Variants in HELZ observed in about 807,000 individuals in gnomAD.
HELZ encodes the protein helicase with zinc finger.
A neutral mutation model predicts 218.2 loss-of-function variants in HELZ; 23 were observed. That is an observed-to-expected ratio of 0.11 (90% confidence interval 0.08 to 0.15). HELZ has a LOEUF of 0.15. HELZ is among the 10% of genes least tolerant of loss of function. The probability of loss-of-function intolerance (pLI) is 1.00; values close to 1 mark genes in which losing one functional copy is unlikely to be tolerated. For missense variants in HELZ, 1,813 were observed against 2,353.7 expected, an observed-to-expected ratio of 0.77 and a Z score of 4.75; for synonymous variants, 814 against 829.4, an observed-to-expected ratio of 0.98 and a Z score of 0.32.
chr17:67,202,841 G>A (rs1020360839), intron 6 of HELZ, among the ~76,000 whole-genome samples: 8 of 151,936 alleles, frequency 5.3e-5, no homozygotes, highest in African/African-American at 1.2e-4. Flanking sequence ...TTTTGGTCTC[G>A]AAAAAAGAGC....
At chr17:67,092,180 C>A (rs1567792583) in intron 31 of HELZ, among the ~76,000 whole-genome samples, 1 of 152,104 alleles carries the variant, frequency 6.6e-6, no homozygotes, top group African/African-American at 2.4e-5. Context: ...ATGGTGGCAA[C>A]TGGCCCAAGA....
intron 21 of HELZ, among the ~76,000 whole-genome samples, chr17:67,143,144 A>G (rs912771555): frequency 2.6e-5 from 4 of 152,142 alleles, no homozygotes; most frequent in Admixed American, 1.3e-4. Flanking sequence ...TTAATTGCAG[A>G]TTCTCAAAAC....
intron 1 of HELZ, chr17:67,244,728 G>C (rs2041426888): frequency 1.0e-6 from 1 of 984,756 alleles, no homozygotes; most frequent in African/African-American, 1.7e-5. Context: ...GGGGGGCATC[G>C]AGCGGGGCGT....
chr17:67,135,766 T>C (rs1249815789), intron 23 of HELZ, among the ~76,000 whole-genome samples: 1 of 152,176 alleles, frequency 6.6e-6, no homozygotes, highest in Non-Finnish European at 1.5e-5. Context: ...TCAGGAAATA[T>C]CTCTTGAATA....
chr17:67,203,467 T>C, intron 5 of HELZ, 24 bp from the exon 6 acceptor site: 3 of 1,611,970 alleles, frequency 1.9e-6, no homozygotes, highest in Non-Finnish European at 2.5e-6. Flanking sequence ...ACAGCCATCA[T>C]TAACCATATG....
At chr17:67,103,987 A>G (rs776877640) in intron 31 of HELZ, among the ~76,000 whole-genome samples, 2 of 152,224 alleles carry the variant, frequency 1.3e-5, no homozygotes, top group Non-Finnish European at 2.9e-5. Flanking sequence ...AGACTATTCA[A>G]TGGGGGAAAG....
At chr17:67,087,226 T>A in intron 31 of HELZ, 145 bp from the exon 32 acceptor site, 1 of 745,048 alleles carries the variant, frequency 1.3e-6, no homozygotes, top group Non-Finnish European at 2.2e-6. Context: ...TCCACCCTAC[T>A]CCCACCAAAA....
At position 67,218,705 on chromosome 17, in the gene HELZ, G is replaced by T. The variant is rs576129039; in HGVS notation, c.100C>A (p.Leu34Ile). ...MALKHCTEAL[L>I]SLGQYSMADF... Reference sequence around the variant, plus strand: ...GCCATGGAGTACTGGCCAAGAGAAAGAAGGGCCTCTGTGCAGTGCTTGAGG... The same window carrying T: ...GCCATGGAGTACTGGCCAAGAGAAATAAGGGCCTCTGTGCAGTGCTTGAGG... The change falls in exon 4 of 33, where the codon CTT (leucine) becomes ATT (isoleucine). Residue 34 changes from leucine to isoleucine, a missense_variant. Leu to Ile is a conservative substitution (Grantham distance 5, BLOSUM62 2). Around this residue, in one of 4 missense-constraint regions of HELZ, gnomAD observed 714 missense variants for 1,029.2 expected, o/e 0.69. Coordinates refer to ENST00000358691, the MANE Select transcript of HELZ (RefSeq NM_014877.4). 3.1e-6 allele frequency: 5 copies of T among 1,614,190 alleles called. No homozygotes were observed. The South Asian group carries it at 5.5e-5, about 18-fold the overall frequency.
At chr17:67,230,057 TC>T (rs1481093645) in intron 3 of HELZ, among the ~76,000 whole-genome samples, 1 of 152,208 alleles carries the variant, frequency 6.6e-6, no homozygotes, top group Non-Finnish European at 1.5e-5. Context: ...CCTTCTGCCA[TC>T]TGTTTTAATG....
At chr17:67,182,313 C>T (rs1355331238) in intron 12 of HELZ, among the ~76,000 whole-genome samples, 2 of 152,022 alleles carry the variant, frequency 1.3e-5, no homozygotes, top group South Asian at 2.1e-4. Flanking sequence ...GGTATGATAG[C>T]TCGTGCCTGT....
intron 3 of HELZ, among the ~76,000 whole-genome samples, chr17:67,233,105 G>A (rs2041080952): frequency 6.6e-6 from 1 of 152,232 alleles, no homozygotes; most frequent in African/African-American, 2.4e-5. Flanking sequence ...TTGCACTCCA[G>A]CTTAGGCGAA....
intron 15 of HELZ, among the ~76,000 whole-genome samples, chr17:67,166,033 G>A (rs1260641914): frequency 6.6e-6 from 1 of 152,096 alleles, no homozygotes; most frequent in African/African-American, 2.4e-5. Context: ...CTACTCAGAG[G>A]CTGAGGCAGG....
chr17:67,115,949 T>C (rs1055901878), intron 27 of HELZ, among the ~76,000 whole-genome samples: 7 of 152,164 alleles, frequency 4.6e-5, no homozygotes, highest in African/African-American at 1.4e-4. Context: ...TTTACTTGGC[T>C]GTTTAAACAA....
At chr17:67,091,194 A>C (rs1490034712) in intron 31 of HELZ, among the ~76,000 whole-genome samples, 1 of 152,096 alleles carries the variant, frequency 6.6e-6, no homozygotes, top group Non-Finnish European at 1.5e-5. Flanking sequence ...CAAGGTGTGA[A>C]AATGTATAAG....
At chr17:67,113,971 C>T (rs556667095) in intron 28 of HELZ, among the ~76,000 whole-genome samples, 12 of 152,240 alleles carry the variant, frequency 7.9e-5, no homozygotes, top group African/African-American at 2.9e-4. Context: ...GGTGAGGGAC[C>T]TGAGTAAGTC....
intron 3 of HELZ, among the ~76,000 whole-genome samples, chr17:67,229,033 T>C (rs930731623): frequency 1.3e-5 from 2 of 152,050 alleles, no homozygotes; most frequent in Admixed American, 6.6e-5. Flanking sequence ...ATAATTAAAG[T>C]AACCCAAGTG....
Position 67,074,243 on chromosome 17 carries a change from G to A in HELZ, c.*4009C>T, listed in dbSNP as rs1328087047. ...AAAGACAAATTACTACCATTGAGGA[G>A]CTGGAGGGAAAAAAAAAAACACAAT... is the stretch of plus-strand genomic sequence containing the variant. On this transcript the variant is annotated 3_prime_UTR_variant, in exon 33 of 33. Transcript: ENST00000358691. The A allele has an allele frequency of 2.0e-5, 2 of 101,328 alleles. No individual in the cohort carries two copies. Among genetic ancestry groups the A allele is most frequent in the Non-Finnish European group, 3.8e-5 (2 of 52,450 alleles). 6.3% of individuals were successfully genotyped at this position (101,328 alleles called of 1,614,324 possible).
intron 6 of HELZ, among the ~76,000 whole-genome samples, chr17:67,202,494 C>T (rs557156409): frequency 2.8e-4 from 43 of 152,210 alleles, no homozygotes; most frequent in Admixed American, 1.9e-3. Context: ...TTCAGCAAGA[C>T]TCCGTAACTT....
chr17:67,185,851 T>C (rs2039738781), intron 12 of HELZ, among the ~76,000 whole-genome samples: 1 of 152,182 alleles, frequency 6.6e-6, no homozygotes, highest in Non-Finnish European at 1.5e-5. Flanking sequence ...AAAAAAAGGA[T>C]ATGGTATTAT....
Sources: allele counts gnomAD v4.1 joint callset (sites outside exome capture counted in the v4.1 genomes callset), GRCh38; gene constraint gnomAD v4.1.1; regional missense constraint gnomAD v4.1.1; transcripts MANE v1.5; gene names NCBI Gene and HGNC (gene_info 2026-07-23, HGNC 2026-07-21).